The following RSF1 variants were observed in gnomAD, a reference collection of about 807,000 sequenced individuals.
RSF1 encodes remodeling and spacing factor 1.
A neutral mutation model predicts 145.2 loss-of-function variants in RSF1; 13 were observed. That is an observed-to-expected ratio of 0.09 (90% CI 0.06 to 0.14). The LOEUF (loss-of-function observed/expected upper bound fraction) is 0.14, where lower values mean the gene tolerates loss of function less well. Ranked by LOEUF, RSF1 falls within the 10% of genes least tolerant of loss-of-function variation. RSF1 has a pLI of 1.00. For synonymous variants in RSF1, 577 were observed against 592.6 expected (o/e 0.97, Z 0.38); for missense variants, 1,517 against 1,718.2 (o/e 0.88, Z 2.07).
At chr11:77,767,588 CCCATTACCTATGTGGG>C (rs1344958481) in intron 1 of RSF1, among the ~76,000 whole-genome samples, 1 of 152,200 alleles carries the variant, frequency 6.6e-6, no homozygotes, top group Non-Finnish European at 1.5e-5. Flanking sequence ...GCATGCTCAG[CCCATTACCTATGTGGG>C]CTTTATTAAA....
At position 77,751,190 on chromosome 11, in the gene RSF1, A is replaced by C. The variant is rs1020748952; in HGVS notation, c.280-4062T>G. Among the ~76,000 whole-genome samples, 13 of 152,328 alleles carry C rather than the reference A, an allele frequency of 8.5e-5. No individual in the cohort carries two copies. In the East Asian group the frequency reaches 2.5e-3, roughly 29 times the overall value. ...CTTCACATGCCTACAGAGCAAATAC[A>C]TAGACTTTATCTCAGTGGGATCATT... is the stretch of plus-strand genomic sequence containing the variant. On this transcript the variant is annotated intron_variant, in intron 2 of 15. Coordinates refer to ENST00000308488, the MANE Select transcript of RSF1 (RefSeq NM_016578.4).
At chr11:77,739,036 T>G (rs1020032848) in intron 4 of RSF1, 3 of 151,674 alleles carry the variant, frequency 2.0e-5, no homozygotes, top group African/African-American at 7.3e-5. Flanking sequence ...GCCTCCCGGG[T>G]TCAAGCAATT....
At chr11:77,842,687 C>T in the RSF1 span, 31 of 1,594,514 alleles carry the variant, frequency 1.9e-5, no homozygotes, top group African/African-American at 4.2e-4. Context: ...TTCCAACTTC[C>T]TAAGCTGCAA....
At chr11:77,677,975 T>C (rs12286317) in intron 12 of RSF1, 111 bp downstream of exon 12, 164,940 of 746,560 alleles carry the variant, frequency 0.22, 19,089 homozygotes, top group Middle Eastern at 0.26. Context: ...GTACTAATCA[T>C]GATACATAAC....
chr11:77,825,182 C>T (rs551727521), upstream of RSF1, among the ~76,000 whole-genome samples: 1 of 152,028 alleles, frequency 6.6e-6, no homozygotes, highest in East Asian at 1.9e-4. Flanking sequence ...CGGGGTTTCA[C>T]CATGTTAGCC....
chr11:77,865,486 A>C, the RSF1 span, among the ~76,000 whole-genome samples: 1 of 152,252 alleles, frequency 6.6e-6, no homozygotes. Flanking sequence ...AGCTCATGCC[A>C]AACCTATATA....
chr11:77,826,581 A>G, the RSF1 span, among the ~76,000 whole-genome samples: 289 of 152,310 alleles, frequency 1.9e-3, 4 homozygotes, highest in African/African-American at 6.8e-3. Flanking sequence ...CAGTTGCAGC[A>G]TAGTCGCTAC....
At chr11:77,830,003 C>T in the RSF1 span, 8 of 152,310 alleles carry the variant, frequency 5.3e-5, no homozygotes, top group South Asian at 2.1e-4. Flanking sequence ...TGGTGATGCA[C>T]ACCTGTAGTC....
In RSF1 at chr11:77,663,636, T is replaced by C. The variant is rs541177970; in HGVS notation, c.*3281A>G. 12 of 152,284 alleles carry C rather than the reference T, an allele frequency of 7.9e-5. No individual in the cohort carries two copies. Among genetic ancestry groups the C allele is most frequent in the African/African-American group, 2.6e-4 (11 of 41,554 alleles). The allele number at this position is 152,284 out of a possible 1,614,324, so 9.4% of individuals were successfully genotyped here. A position where few individuals can be genotyped will look rare whatever the true frequency, so the allele number is the denominator to read the frequency against. On this transcript the variant is annotated 3_prime_UTR_variant, in exon 16 of 16. Transcript: ENST00000308488. Reference sequence around the variant, plus strand: ...TCAAGGAAATATAACTTGATGTACATTCTTGAAAATATCTCTGCCATCATT... The same window carrying C: ...TCAAGGAAATATAACTTGATGTACACTCTTGAAAATATCTCTGCCATCATT...
chr11:77,741,842 C>T (rs1003525407), intron 3 of RSF1, among the ~76,000 whole-genome samples: 3 of 152,180 alleles, frequency 2.0e-5, no homozygotes, highest in African/African-American at 7.2e-5. Flanking sequence ...AATATCTCCC[C>T]AGTCTACCCT....
At chr11:77,758,200 C>T (rs1015735319) in intron 2 of RSF1, among the ~76,000 whole-genome samples, 2 of 151,020 alleles carry the variant, frequency 1.3e-5, no homozygotes, top group Admixed American at 1.3e-4. Flanking sequence ...AAAGCAATAA[C>T]AAGTCTACAT....
the RSF1 span, among the ~76,000 whole-genome samples, chr11:77,847,640 G>T: frequency 1.3e-5 from 2 of 152,186 alleles, no homozygotes; most frequent in Admixed American, 1.3e-4. Flanking sequence ...GGCTCCATCA[G>T]AGTGAAGTTG....
chr11:77,686,407 T>TAAAAAAAAAAA, intron 9 of RSF1, among the ~76,000 whole-genome samples: 1 of 9,598 alleles, frequency 1.0e-4, no homozygotes, highest in African/African-American at 1.2e-3. Flanking sequence ...AGACCCTGTC[T>TAAAAAAAAAAA]CAAAAAAAAA....
the RSF1 span, among the ~76,000 whole-genome samples, chr11:77,828,669 C>T: frequency 2.8e-4 from 35 of 126,278 alleles, no homozygotes; most frequent in Admixed American, 2.7e-3. Flanking sequence ...GACTCCATCT[C>T]GAAAAAAAAA....
chr11:77,870,267 G>A, the RSF1 span, among the ~76,000 whole-genome samples: 4 of 146,866 alleles, frequency 2.7e-5, no homozygotes, highest in Non-Finnish European at 4.5e-5. Flanking sequence ...ATGATCTCCC[G>A]CCTCGGCCTC....
At chr11:77,713,297 T>C (rs919493427) in intron 5 of RSF1, among the ~76,000 whole-genome samples, 15 of 152,298 alleles carry the variant, frequency 9.8e-5, no homozygotes, top group African/African-American at 3.6e-4. Flanking sequence ...GCAGTCTATC[T>C]GAAAGTCACA....
the RSF1 span, among the ~76,000 whole-genome samples, chr11:77,863,950 G>T: frequency 6.6e-6 from 1 of 150,536 alleles, no homozygotes; most frequent in Non-Finnish European, 1.5e-5. Flanking sequence ...TTTTGAGACA[G>T]AGTTTCACTC....
chr11:77,867,011 T>C, the RSF1 span, among the ~76,000 whole-genome samples: 2 of 152,200 alleles, frequency 1.3e-5, no homozygotes, highest in East Asian at 3.9e-4. Context: ...CGGCTAATTT[T>C]TGTATTTTTA....
chr11:77,836,746 G>T, the RSF1 span, among the ~76,000 whole-genome samples: 1 of 152,168 alleles, frequency 6.6e-6, no homozygotes, highest in Admixed American at 6.6e-5. Flanking sequence ...CGGGTGGATC[G>T]CCTGAGGCTG....
Sources: gnomAD v4.1 joint callset for allele counts (sites outside exome capture counted in the v4.1 genomes callset) on GRCh38, gnomAD v4.1.1 for gene constraint, MANE v1.5 for transcripts, NCBI Gene and HGNC (gene_info 2026-07-23, HGNC 2026-07-21) for gene names.